ASAP2: variants seen among roughly 807,000 people sequenced by gnomAD.
ASAP2 encodes the protein ArfGAP with SH3 domain, ankyrin repeat and PH domain 2.
ASAP2 carries 45 observed loss-of-function variants against 131.4 expected under a neutral mutation model. The observed-to-expected ratio is 0.34, with a 90% CI of 0.27 to 0.44. The LOEUF (loss-of-function observed/expected upper bound fraction) is 0.44, where lower values mean the gene tolerates loss of function less well. ASAP2 is among the 20% of genes least tolerant of loss of function. The pLI, the probability that ASAP2 is intolerant of heterozygous loss-of-function variation, is 1.00. For missense variants in ASAP2, 1,011 were observed against 1,297.0 expected (o/e 0.78, Z 3.39); for synonymous variants, 510 against 503.0 (o/e 1.01, Z -0.19).
chr2:9,394,868 T>G (rs1194912857), intron 24 of ASAP2, among the ~76,000 whole-genome samples: 1 of 152,146 alleles, frequency 6.6e-6, no homozygotes, highest in Non-Finnish European at 1.5e-5. Context: ...TGGGGGTGGT[T>G]GGACACAGGA....
At chr2:9,333,608 C>T (rs1384383069) in intron 7 of ASAP2, among the ~76,000 whole-genome samples, 1 of 151,924 alleles carries the variant, frequency 6.6e-6, no homozygotes, top group Non-Finnish European at 1.5e-5. Context: ...ACTTGGTGGT[C>T]ATGGAGGAAG....
At chr2:9,376,715 A>G (rs966142778) in intron 17 of ASAP2, among the ~76,000 whole-genome samples, 193 bp from the exon 18 acceptor site, 2 of 152,188 alleles carry the variant, frequency 1.3e-5, no homozygotes, top group African/African-American at 4.8e-5. Flanking sequence ...GAGAAACAGG[A>G]CGAATCTCCA....
intron 7 of ASAP2, among the ~76,000 whole-genome samples, chr2:9,329,745 G>A (rs769211585): frequency 6.6e-6 from 1 of 152,188 alleles, no homozygotes; most frequent in Non-Finnish European, 1.5e-5. Flanking sequence ...TGCCATGCCT[G>A]TCTGCTTACC....
Position 9,335,461 on chromosome 2 carries a change from G to A in ASAP2, c.849+282G>A, listed in dbSNP as rs533005789. ...TAGATAAGGAGCTCTCAGTGGCTTC[G>A]TCACAGAGACCATGTGTCATTTGTG... On this transcript the variant is annotated intron_variant, in intron 9 of 27. Transcript: ENST00000281419. Among the ~76,000 whole-genome samples the A allele has an allele frequency of 4.6e-5, 7 of 152,286 alleles. No homozygotes were observed. In the East Asian group the frequency reaches 1.3e-3, roughly 29 times the overall value.
intron 20 of ASAP2, among the ~76,000 whole-genome samples, chr2:9,381,166 G>A (rs1340607948): frequency 6.6e-6 from 1 of 152,218 alleles, no homozygotes; most frequent in Non-Finnish European, 1.5e-5. Flanking sequence ...AGGACATCAA[G>A]GCCAACCTCC....
At chr2:9,379,399 C>G (rs1056361223) in intron 19 of ASAP2, among the ~76,000 whole-genome samples, 2 of 152,184 alleles carry the variant, frequency 1.3e-5, no homozygotes, top group Admixed American at 6.5e-5. Flanking sequence ...TACTCACCCC[C>G]ACCTGAGGCC....
intron 3 of ASAP2, among the ~76,000 whole-genome samples, chr2:9,299,662 A>G (rs1235486813): frequency 2.6e-5 from 4 of 152,228 alleles, no homozygotes; most frequent in Non-Finnish European, 5.9e-5. Context: ...CAGCCAGCCC[A>G]GGACGGCTGA....
At chr2:9,297,511 GT>G in intron 3 of ASAP2, 66 bp downstream of exon 3, 1 of 1,565,930 alleles carries the variant, frequency 6.4e-7, no homozygotes, top group Non-Finnish European at 8.8e-7. Flanking sequence ...GTAGAGGATA[GT>G]TATGGTTTGT....
intron 1 of ASAP2, among the ~76,000 whole-genome samples, chr2:9,263,348 C>A (rs1225845575): frequency 6.6e-6 from 1 of 152,216 alleles, no homozygotes; most frequent in Non-Finnish European, 1.5e-5. Flanking sequence ...CAAAGCAGGG[C>A]ACCAGGCTGG....
chr2:9,402,088 C>T (rs1247305007), intron 27 of ASAP2, among the ~76,000 whole-genome samples: 1 of 152,226 alleles, frequency 6.6e-6, no homozygotes, highest in Non-Finnish European at 1.5e-5. Context: ...CACAGCTCCG[C>T]AACTGAGCTC....
chr2:9,380,569 T>A (rs1392725374), intron 19 of ASAP2, among the ~76,000 whole-genome samples, 172 bp from the exon 20 acceptor site: 2 of 152,240 alleles, frequency 1.3e-5, no homozygotes, highest in Non-Finnish European at 2.9e-5. Context: ...TGTAGTTCTA[T>A]ACAATTACAA....
chr2:9,222,546 A>G (rs1285383655), intron 1 of ASAP2, among the ~76,000 whole-genome samples: 1 of 152,210 alleles, frequency 6.6e-6, no homozygotes, highest in Non-Finnish European at 1.5e-5. Flanking sequence ...ACTTCTTGAC[A>G]AAAGGTAATT....
At chr2:9,254,236 AAT>A (rs34570938) in intron 1 of ASAP2, among the ~76,000 whole-genome samples, 18,399 of 46,406 alleles carry the variant, frequency 0.4, 4,894 homozygotes, top group Non-Finnish European at 0.44. Flanking sequence ...AAAAAAAAAA[AAT>A]ATATATATAT....
At chr2:9,280,446 G>C (rs533750927) in intron 2 of ASAP2, among the ~76,000 whole-genome samples, 1 of 151,834 alleles carries the variant, frequency 6.6e-6, no homozygotes, top group Non-Finnish European at 1.5e-5. Flanking sequence ...AGCCACAATC[G>C]GGAAGAATCT....
chr2:9,388,076 T>C (rs1675424293), intron 21 of ASAP2, among the ~76,000 whole-genome samples: 1 of 152,136 alleles, frequency 6.6e-6, no homozygotes, highest in African/African-American at 2.4e-5. Flanking sequence ...AGCCAAACCA[T>C]ATCAGTGTGT....
chr2:9,350,586 C>T, intron 11 of ASAP2: 1 of 460,394 alleles, frequency 2.2e-6, no homozygotes, highest in Non-Finnish European at 3.9e-6. Context: ...GTGTAGACCA[C>T]CAAGGTGCCC....
At chr2:9,358,310 G>A (rs902341836) in intron 14 of ASAP2, among the ~76,000 whole-genome samples, 1 of 152,208 alleles carries the variant, frequency 6.6e-6, no homozygotes, top group Non-Finnish European at 1.5e-5. Flanking sequence ...TACGTTCTCT[G>A]TTATTATCAG....
chr2:9,310,551 G>T (rs1558318467), intron 3 of ASAP2, among the ~76,000 whole-genome samples: 1 of 152,142 alleles, frequency 6.6e-6, no homozygotes, highest in Non-Finnish European at 1.5e-5. Flanking sequence ...CTTCTAGATG[G>T]GATCCCTTTG....
intron 1 of ASAP2, among the ~76,000 whole-genome samples, chr2:9,222,080 G>A (rs151256252): frequency 1.3e-5 from 2 of 152,108 alleles, no homozygotes; most frequent in East Asian, 1.9e-4. Context: ...GAGCCACCGC[G>A]CTGGCCTATT....
Sources: allele counts gnomAD v4.1 joint callset (sites outside exome capture counted in the v4.1 genomes callset), GRCh38; gene constraint gnomAD v4.1.1; transcripts MANE v1.5; gene names NCBI Gene and HGNC (gene_info 2026-07-23, HGNC 2026-07-21).